Variants in TRPM3 observed in about 807,000 individuals in gnomAD.
TRPM3 encodes transient receptor potential cation channel subfamily M member 3.
In TRPM3, 77 loss-of-function variants were observed where a neutral mutation model predicts 181.2. The observed-to-expected ratio is 0.42, with a 90% CI of 0.35 to 0.51. The LOEUF is 0.51. TRPM3 is among the 20% of genes least tolerant of loss of function. The pLI, the probability that TRPM3 is intolerant of heterozygous loss-of-function variation, is 0.01. For missense variants in TRPM3, 1,759 were observed against 2,196.7 expected (o/e 0.80, Z 3.98); for synonymous variants, 745 against 796.4 (o/e 0.94, Z 1.09).
At chr9:71,417,001 A>G (rs2093646468) in intron 1 of TRPM3, among the ~76,000 whole-genome samples, 1 of 151,972 alleles carries the variant, frequency 6.6e-6, no homozygotes, top group Admixed American at 6.6e-5. Context: ...ATGTATCAAT[A>G]GTTCATTCTT....
chr9:70,937,745 C>T (rs988244774), intron 1 of TRPM3, among the ~76,000 whole-genome samples: 1 of 151,888 alleles, frequency 6.6e-6, no homozygotes, highest in African/African-American at 2.4e-5. Flanking sequence ...ACTTGAACTC[C>T]TTTTTCAAAC....
chr9:70,924,917 A>G (rs1173380424), intron 1 of TRPM3, among the ~76,000 whole-genome samples: 1 of 152,190 alleles, frequency 6.6e-6, no homozygotes, highest in Non-Finnish European at 1.5e-5. Flanking sequence ...GATGAAGGAG[A>G]AAGAAAAGGA....
intron 18 of TRPM3, among the ~76,000 whole-genome samples, chr9:70,612,455 C>A (rs995189265): frequency 3.9e-5 from 6 of 152,154 alleles, no homozygotes; most frequent in Non-Finnish European, 8.8e-5. Context: ...ATAATTCTGG[C>A]TTAAAACCAC....
chr9:70,931,933 T>A (rs993540474), intron 1 of TRPM3, among the ~76,000 whole-genome samples: 1 of 152,220 alleles, frequency 6.6e-6, no homozygotes, highest in Non-Finnish European at 1.5e-5. Flanking sequence ...GATTTTCTCT[T>A]GGCTGTTCAA....
chr9:70,668,260 A>G (rs2062137887), intron 9 of TRPM3, among the ~76,000 whole-genome samples: 1 of 152,160 alleles, frequency 6.6e-6, no homozygotes, highest in Non-Finnish European at 1.5e-5. Flanking sequence ...CTTGGCCAAG[A>G]TACTTAGCCT....
intron 1 of TRPM3, among the ~76,000 whole-genome samples, chr9:71,139,564 C>A (rs528270446): frequency 6.6e-6 from 1 of 151,972 alleles, no homozygotes; most frequent in Non-Finnish European, 1.5e-5. Context: ...TGTCTGAGCT[C>A]GTAAATAATT....
chr9:71,036,002 T>TTA (rs2058147793), intron 1 of TRPM3, among the ~76,000 whole-genome samples: 2 of 145,040 alleles, frequency 1.4e-5, no homozygotes, highest in African/African-American at 2.5e-5. Flanking sequence ...TTTTTTTTTT[T>TTA]AATTTTGGGA....
At chr9:71,035,997 T>TTC (rs1301229563) in intron 1 of TRPM3, among the ~76,000 whole-genome samples, 1 of 151,044 alleles carries the variant, frequency 6.6e-6, no homozygotes, top group Non-Finnish European at 1.5e-5. Context: ...TTTTTTTTTT[T>TTC]TTTTTAATTT....
chr9:71,067,783 A>G (rs1177570885), intron 1 of TRPM3, among the ~76,000 whole-genome samples: 1 of 152,112 alleles, frequency 6.6e-6, no homozygotes, highest in Non-Finnish European at 1.5e-5. Context: ...TTCATGTACT[A>G]TTTTTAAAGT....
At chr9:70,836,939 A>G (rs2094359716) in intron 5 of TRPM3, among the ~76,000 whole-genome samples, 1 of 152,200 alleles carries the variant, frequency 6.6e-6, no homozygotes, top group African/African-American at 2.4e-5. Context: ...ATCCAAACTC[A>G]TCACTGTTCT....
intron 1 of TRPM3, among the ~76,000 whole-genome samples, chr9:71,035,512 T>C (rs940734478): frequency 6.6e-6 from 1 of 152,070 alleles, no homozygotes; most frequent in Non-Finnish European, 1.5e-5. Context: ...AGGCCAGGAG[T>C]TTGAGACCTA....
At chr9:71,314,755 C>A (rs1320794668) in intron 1 of TRPM3, among the ~76,000 whole-genome samples, 10 of 151,840 alleles carry the variant, frequency 6.6e-5, no homozygotes, top group Non-Finnish European at 1.3e-4. Flanking sequence ...ATTTGAGGGC[C>A]CTGGGCTGCT....
chr9:71,076,730 C>T (rs2063510344), intron 1 of TRPM3, among the ~76,000 whole-genome samples: 1 of 152,142 alleles, frequency 6.6e-6, no homozygotes, highest in African/African-American at 2.4e-5. Flanking sequence ...TATCACAGCT[C>T]TTGAGCTTTA....
chr9:70,539,971 A>T (rs2042853778), intron 25 of TRPM3, among the ~76,000 whole-genome samples: 1 of 152,186 alleles, frequency 6.6e-6, no homozygotes, highest in Non-Finnish European at 1.5e-5. Flanking sequence ...AGTAGCTGGG[A>T]CTATAGGTGA....
chr9:71,105,386 C>A (rs2069277011), intron 1 of TRPM3, among the ~76,000 whole-genome samples: 1 of 152,132 alleles, frequency 6.6e-6, no homozygotes, highest in Non-Finnish European at 1.5e-5. Flanking sequence ...GTATGCCATG[C>A]AGGGTCACAT....
At chr9:70,793,489 T>TAA in intron 6 of TRPM3, 1 of 142,882 alleles carries the variant, frequency 7.0e-6, no homozygotes, top group Non-Finnish European at 1.5e-5. Context: ...TATATATATA[T>TAA]ATAAAACACA....
intron 4 of TRPM3, among the ~76,000 whole-genome samples, chr9:70,843,563 A>G (rs910815951): frequency 1.3e-5 from 2 of 152,238 alleles, no homozygotes; most frequent in Admixed American, 6.5e-5. Flanking sequence ...AAATTCATTC[A>G]AAGACATGAG....
At chr9:71,417,996 T>C (rs890937073) in intron 1 of TRPM3, among the ~76,000 whole-genome samples, 2 of 151,830 alleles carry the variant, frequency 1.3e-5, no homozygotes, top group Non-Finnish European at 2.9e-5. Context: ...GAGAAGGACA[T>C]GAAAAATATA....
chr9:71,303,885 T>C (rs2087009994), intron 1 of TRPM3, among the ~76,000 whole-genome samples: 1 of 152,156 alleles, frequency 6.6e-6, no homozygotes, highest in Admixed American at 6.5e-5. Flanking sequence ...GATTTGTTTC[T>C]GTGAATTACA....
Sources: gnomAD v4.1 joint callset for allele counts (sites outside exome capture counted in the v4.1 genomes callset) on GRCh38, gnomAD v4.1.1 for gene constraint, MANE v1.5 for transcripts, NCBI Gene and HGNC (gene_info 2026-07-23, HGNC 2026-07-21) for gene names.